Variants in STXBP5 observed in about 807,000 individuals in gnomAD.
STXBP5 encodes syntaxin-binding protein 5.
STXBP5 carries 50 observed loss-of-function variants against 152.4 expected under a neutral mutation model. The ratio of observed to expected loss-of-function variants is 0.33; its 90% confidence interval spans 0.26 to 0.42. The LOEUF is 0.42. Ranked by LOEUF, STXBP5 falls within the 10% of genes least tolerant of loss-of-function variation. The pLI, the probability that STXBP5 is intolerant of heterozygous loss-of-function variation, is 1.00. For synonymous variants in STXBP5, 492 were observed against 494.7 expected (o/e 0.99, Z 0.07); for missense variants, 1,167 against 1,388.6 (o/e 0.84, Z 2.54).
At position 147,296,819 on chromosome 6, in the gene STXBP5, GA is replaced by G. The variant is rs370814422; in HGVS notation, c.917+5652del. Among the ~76,000 whole-genome samples, 28 of 152,160 alleles carry G rather than the reference GA, an allele frequency of 1.8e-4. No homozygotes were observed. The East Asian group carries it at 4.4e-3, about 24-fold the overall frequency. ...AATCTTGGAACTGAAGAACTTAAATGAAAAATACAATTGAGAGTTTCAGCAA... is the reference window on the plus strand; with the variant it reads ...AATCTTGGAACTGAAGAACTTAAATGAAAATACAATTGAGAGTTTCAGCAA... On this transcript the variant is annotated intron_variant, in intron 9 of 27. Transcript: ENST00000321680.
At chr6:147,217,455 G>A (rs1378961004) in intron 2 of STXBP5, among the ~76,000 whole-genome samples, 3 of 152,178 alleles carry the variant, frequency 2.0e-5, no homozygotes, top group Non-Finnish European at 2.9e-5. Context: ...GTAGTAAATA[G>A]TAGTTTGAGC....
chr6:147,336,377 C>G (rs2128395003), intron 19 of STXBP5, among the ~76,000 whole-genome samples: 1 of 152,116 alleles, frequency 6.6e-6, no homozygotes, highest in East Asian at 1.9e-4. Flanking sequence ...GGTTAATTGT[C>G]TTACTCTGTA....
At chr6:147,245,037 G>A (rs1461413586) in intron 4 of STXBP5, among the ~76,000 whole-genome samples, 1 of 140,722 alleles carries the variant, frequency 7.1e-6, no homozygotes, top group Non-Finnish European at 1.5e-5. Flanking sequence ...CTGTTGCCCA[G>A]GCTGGAGTTC....
intron 21 of STXBP5, among the ~76,000 whole-genome samples, chr6:147,345,042 T>C (rs1469896919): frequency 6.6e-6 from 1 of 152,148 alleles, no homozygotes; most frequent in African/African-American, 2.4e-5. Flanking sequence ...TTTCAGGTAA[T>C]AGATATAGAT....
chr6:147,239,410 A>G, intron 4 of STXBP5, 140 bp downstream of exon 4: 2 of 635,158 alleles, frequency 3.1e-6, no homozygotes, highest in East Asian at 5.7e-5. Context: ...ATATACAATA[A>G]AAGCAAGATT....
intron 11 of STXBP5, among the ~76,000 whole-genome samples, chr6:147,311,867 C>T (rs368453052): frequency 5.3e-5 from 8 of 152,106 alleles, no homozygotes; most frequent in Admixed American, 2.6e-4. Flanking sequence ...AGGCTTTCTA[C>T]GTCTACTCAC....
intron 4 of STXBP5, among the ~76,000 whole-genome samples, chr6:147,255,199 A>C (rs932037879): frequency 6.6e-6 from 1 of 152,248 alleles, no homozygotes; most frequent in Non-Finnish European, 1.5e-5. Context: ...CATCATTCTC[A>C]GCAAACTAAC....
Position 147,204,620 on chromosome 6 carries a change from C to A in STXBP5, c.88C>A (p.Pro30Thr). Residue 30 changes from proline (P) to threonine (T), a missense_variant, in exon 1 of 28, where the codon CCT (proline) becomes ACT (threonine). By Grantham distance (38) the Pro-to-Thr change is conservative. Coordinates refer to ENST00000321680, the MANE Select transcript of STXBP5 (RefSeq NM_001127715.4). The surrounding 1 kb of genome is among the most constrained non-coding windows in gnomAD (Gnocchi z 4.3). Reference protein sequence around the residue: ...ASQQQQQQHPPGNREPEIQET... With the variant: ...ASQQQQQQHPTGNREPEIQET... ...GCAGCAGCAACAGCAGCAGCATCCG[C>A]CTGGGAACCGGGAGCCGGAGATCCA... is the stretch of plus-strand genomic sequence containing the variant. 6.2e-7 allele frequency: 1 copy of A among 1,611,020 alleles called. No individual in the cohort carries two copies. The highest frequency in any genetic ancestry group is 8.5e-7 in the Non-Finnish European group (1 of 1,178,522).
intron 16 of STXBP5, among the ~76,000 whole-genome samples, chr6:147,321,709 T>C (rs2128381304): frequency 6.6e-6 from 1 of 152,392 alleles, no homozygotes; most frequent in Admixed American, 6.5e-5. Flanking sequence ...TGTGAGGCTC[T>C]ACGCATCACT....
chr6:147,286,315 AT>A (rs1339965642), intron 8 of STXBP5, among the ~76,000 whole-genome samples: 1 of 152,166 alleles, frequency 6.6e-6, no homozygotes, highest in African/African-American at 2.4e-5. Flanking sequence ...GAAAGGGATT[AT>A]TCTCTAGGAT....
intron 4 of STXBP5, among the ~76,000 whole-genome samples, chr6:147,258,056 T>C (rs537684961): frequency 5.3e-5 from 8 of 152,276 alleles, no homozygotes; most frequent in African/African-American, 1.9e-4. Flanking sequence ...GGCACTTGGG[T>C]TCTGAAAGCA....
intron 7 of STXBP5, among the ~76,000 whole-genome samples, chr6:147,271,883 G>T (rs902099549): frequency 1.3e-5 from 2 of 152,092 alleles, no homozygotes; most frequent in East Asian, 3.9e-4. Context: ...TAGTCAGAGT[G>T]GTGAGGAAAA....
In STXBP5 at chr6:147,386,487, A is replaced by C. The variant is rs1421539930; in HGVS notation, c.*1732A>C. On this transcript the variant is annotated 3_prime_UTR_variant, in exon 28 of 28. Coordinates refer to ENST00000321680, the MANE Select transcript of STXBP5 (RefSeq NM_001127715.4). ...AAAGTTTACATCAAAGTTTACTTTA[A>C]ATATCATTTGGTAGGGACTAAATGT... 6.6e-6 allele frequency: 1 copy of C among 151,804 alleles called. No individual in the cohort carries two copies. The highest frequency in any genetic ancestry group is 1.5e-5 in the Non-Finnish European group (1 of 67,818). 9.4% of individuals were successfully genotyped at this position (151,804 alleles called of 1,614,324 possible).
At chr6:147,304,647 C>G (rs1781998435) in intron 9 of STXBP5, among the ~76,000 whole-genome samples, 1 of 152,108 alleles carries the variant, frequency 6.6e-6, no homozygotes, top group African/African-American at 2.4e-5. Context: ...TGCAGACACT[C>G]AACACCAACC....
intron 25 of STXBP5, among the ~76,000 whole-genome samples, chr6:147,372,406 C>CTTTTTTTTTTTTTTTT (rs1583009383): frequency 0.014 from 543 of 39,108 alleles, 267 homozygotes; most frequent in Non-Finnish European, 0.019. Flanking sequence ...CCGTCCTTTT[C>CTTTTTTTTTTTTTTTT]CTTTTTTTTT....
intron 9 of STXBP5, among the ~76,000 whole-genome samples, chr6:147,300,832 C>T (rs539122860): frequency 7.2e-5 from 11 of 151,896 alleles, no homozygotes; most frequent in African/African-American, 2.7e-4. Flanking sequence ...AAAGATTCTT[C>T]AGAGCAAAGG....
intron 3 of STXBP5, among the ~76,000 whole-genome samples, chr6:147,236,663 G>T (rs1778285512): frequency 6.6e-6 from 1 of 152,078 alleles, no homozygotes; most frequent in Non-Finnish European, 1.5e-5. Context: ...CAAGATACAG[G>T]TCAGTTCCCT....
rs548505421 is a variant in STXBP5 at position 147,373,382 on chromosome 6, A to C, written c.3082-349A>C. ...CTGTCTCAAAAAAAAAAAAAAAAAA[A>C]AAAAAACTTCTTTCTAATGTAATTA... On this transcript the variant is annotated intron_variant, in intron 25 of 27. Coordinates refer to ENST00000321680, the MANE Select transcript of STXBP5 (RefSeq NM_001127715.4). Among the ~76,000 whole-genome samples, 1,115 of 151,722 alleles carry C rather than the reference A, an allele frequency of 7.3e-3. 13 individuals are homozygous for C. The highest frequency in any genetic ancestry group is 0.024 in the African/African-American group (990 of 41,318).
chr6:147,358,971 C>T (rs890319760), intron 22 of STXBP5, 113 bp from the exon 23 acceptor site: 15 of 1,197,728 alleles, frequency 1.3e-5, no homozygotes, highest in East Asian at 1.0e-4. Context: ...TTAAATATGA[C>T]GTAGGTTTTG....
Sources: allele counts gnomAD v4.1 joint callset (sites outside exome capture counted in the v4.1 genomes callset), GRCh38; gene constraint gnomAD v4.1.1; non-coding constraint Gnocchi (gnomAD v3.1); transcripts MANE v1.5; gene names NCBI Gene and HGNC (gene_info 2026-07-23, HGNC 2026-07-21).